The following SETD7 variants were observed in gnomAD, a reference collection of about 807,000 sequenced individuals.
SETD7 encodes histone-lysine N-methyltransferase SETD7.
A neutral mutation model predicts 41.8 loss-of-function variants in SETD7; 16 were observed. The ratio of observed to expected loss-of-function variants is 0.38; its 90% CI spans 0.26 to 0.58. The LOEUF (loss-of-function observed/expected upper bound fraction) is 0.58. Among genes scored for constraint, SETD7 ranks in the 20% least tolerant of loss-of-function variants. SETD7 has a pLI of 0.64. For synonymous variants in SETD7, 163 were observed against 169.7 expected (o/e 0.96, Z 0.31); for missense variants, 346 against 459.7 (o/e 0.75, Z 2.26).
At chr4:139,505,015 G>C (rs1726666800), downstream of SETD7, among the ~76,000 whole-genome samples, 1 of 152,190 alleles carries the variant, frequency 6.6e-6, no homozygotes, top group Non-Finnish European at 1.5e-5. Flanking sequence ...GTCTGTGCAG[G>C]TGGAAAAGCT....
chr4:139,517,133 T>G (rs1727046236), intron 7 of SETD7, among the ~76,000 whole-genome samples: 1 of 152,236 alleles, frequency 6.6e-6, no homozygotes, highest in Non-Finnish European at 1.5e-5. Flanking sequence ...CGCTGAGATG[T>G]CATGCCCTAG....
intron 7 of SETD7, among the ~76,000 whole-genome samples, chr4:139,516,187 C>T (rs947284349): frequency 5.3e-5 from 8 of 152,010 alleles, no homozygotes; most frequent in Admixed American, 2.0e-4. Flanking sequence ...CTTTCTAGGC[C>T]GGGGGCGGTG....
intron 4 of SETD7, among the ~76,000 whole-genome samples, chr4:139,528,567 G>A (rs1313871533): frequency 1.3e-5 from 2 of 152,176 alleles, no homozygotes; most frequent in Non-Finnish European, 2.9e-5. Flanking sequence ...TCTCACTGAT[G>A]TCTGGCTTGG....
intron 5 of SETD7, 67 bp from the exon 6 acceptor site, chr4:139,520,461 C>A: frequency 1.2e-6 from 1 of 861,048 alleles, no homozygotes; most frequent in South Asian, 1.9e-5. Flanking sequence ...CATCAACTGC[C>A]AAAATATCAT....
intron 1 of SETD7, among the ~76,000 whole-genome samples, chr4:139,554,290 G>A (rs1728196028): frequency 6.6e-6 from 1 of 152,164 alleles, no homozygotes; most frequent in Non-Finnish European, 1.5e-5. Context: ...AAACAATACT[G>A]CCATTTCTAA....
rs1359654750 is a variant in SETD7 at position 139,523,336 on chromosome 4, C to T, written c.644+18G>A. ...CCTCACATAAACAGTGCAATTAAAACCCCAAGGAGGAAATTACCTTTCTGA... is the reference window on the plus strand; with the variant it reads ...CCTCACATAAACAGTGCAATTAAAATCCCAAGGAGGAAATTACCTTTCTGA... On this transcript the variant is annotated intron_variant, in intron 5 of 7. Transcript: ENST00000274031. 3 of 1,584,068 alleles carry T rather than the reference C, an allele frequency of 1.9e-6. No homozygotes were observed. The highest frequency in any genetic ancestry group is 2.6e-6 in the Non-Finnish European group (3 of 1,152,976).
At chr4:139,522,640 G>T (rs1163124679) in intron 5 of SETD7, among the ~76,000 whole-genome samples, 1 of 151,776 alleles carries the variant, frequency 6.6e-6, no homozygotes, top group Admixed American at 6.6e-5. Flanking sequence ...GCTTTAAAGA[G>T]CATGAAATGT....
At chr4:139,537,011 T>C (rs1401996401) in intron 2 of SETD7, among the ~76,000 whole-genome samples, 1 of 152,158 alleles carries the variant, frequency 6.6e-6, no homozygotes, top group Non-Finnish European at 1.5e-5. Context: ...GTTTCACTCT[T>C]GTTGCCCAGG....
At position 139,547,021 on chromosome 4, in the gene SETD7, G is replaced by T. The variant is rs368092587; in HGVS notation, c.69C>A (p.His23Gln). ...AGGAGTAGGTGACTGTGCAGAACCC[G>T]TGCGGTAATCCGTCATCGTCCAGGT... Reference protein sequence around the residue: ...EGHLDDDGLPHGFCTVTYSST... With the variant: ...EGHLDDDGLPQGFCTVTYSST... Residue 23 changes from histidine (H) to glutamine (Q), a missense_variant, in exon 2 of 8, where the codon CAC (histidine) becomes CAA (glutamine). Physicochemically the swap from His to Gln is conservative, Grantham distance 24 (BLOSUM62 0). Transcript: ENST00000274031. The T allele has an allele frequency of 4.3e-6, 7 of 1,614,088 alleles. No homozygotes were observed. The highest frequency in any genetic ancestry group is 5.9e-6 in the Non-Finnish European group (7 of 1,180,006).
intron 1 of SETD7, among the ~76,000 whole-genome samples, chr4:139,548,358 T>G (rs1173204637): frequency 6.6e-6 from 1 of 152,152 alleles, no homozygotes; most frequent in Non-Finnish European, 1.5e-5. Flanking sequence ...CGGCCGGGCA[T>G]GGTGGCTCAC....
intron 7 of SETD7, among the ~76,000 whole-genome samples, chr4:139,517,132 G>T (rs1307379849): frequency 5.9e-5 from 9 of 152,198 alleles, no homozygotes; most frequent in Admixed American, 3.9e-4. Flanking sequence ...ACGCTGAGAT[G>T]TCATGCCCTA....
At chr4:139,500,134 T>C (rs1290008545) in intron 7 of SETD7, among the ~76,000 whole-genome samples, 1 of 152,228 alleles carries the variant, frequency 6.6e-6, no homozygotes, top group Non-Finnish European at 1.5e-5. Context: ...TTCAGCAAAT[T>C]TTTGAGAGCG....
chr4:139,514,765 T>G (rs1210262648), intron 7 of SETD7, among the ~76,000 whole-genome samples: 2 of 152,214 alleles, frequency 1.3e-5, no homozygotes, highest in Non-Finnish European at 2.9e-5. Context: ...CTTAGCCTCT[T>G]GTCTACAGGT....
chr4:139,518,908 C>A (rs1460410471), intron 6 of SETD7, among the ~76,000 whole-genome samples: 1 of 152,190 alleles, frequency 6.6e-6, no homozygotes, highest in African/African-American at 2.4e-5. Context: ...AGCAGCCCAG[C>A]CTTTTGAAGC....
At chr4:139,516,580 T>G (rs1262430991) in intron 7 of SETD7, among the ~76,000 whole-genome samples, 1 of 151,982 alleles carries the variant, frequency 6.6e-6, no homozygotes, top group African/African-American at 2.4e-5. Context: ...TTGTGGATAA[T>G]GTAAGCTCCA....
intron 6 of SETD7, among the ~76,000 whole-genome samples, chr4:139,520,015 A>G (rs1025960383): frequency 1.3e-5 from 2 of 152,202 alleles, no homozygotes; most frequent in South Asian, 2.1e-4. Flanking sequence ...CTGGATCTCA[A>G]TTTTTAAGAC....
intron 7 of SETD7, among the ~76,000 whole-genome samples, chr4:139,516,261 T>C (rs1177073096): frequency 7.2e-6 from 1 of 139,134 alleles, no homozygotes; most frequent in African/African-American, 2.7e-5. Context: ...AGGTCAGGAG[T>C]TCAAGACCAG....
downstream of SETD7, among the ~76,000 whole-genome samples, chr4:139,503,592 A>G (rs1429438536): frequency 5.9e-5 from 9 of 152,154 alleles, no homozygotes; most frequent in Admixed American, 4.6e-4. Context: ...CTAGATAAAT[A>G]TATCTTTGTA....
At chr4:139,517,857 C>T (rs759170261) in intron 7 of SETD7, 28 bp downstream of exon 7, 23 of 1,596,182 alleles carry the variant, frequency 1.4e-5, no homozygotes, top group East Asian at 4.5e-5. Context: ...GGCATAGATC[C>T]GCCCCAGCAG....
Sources: gnomAD v4.1 joint callset for allele counts (sites outside exome capture counted in the v4.1 genomes callset) on GRCh38, gnomAD v4.1.1 for gene constraint, MANE v1.5 for transcripts, NCBI Gene and HGNC (gene_info 2026-07-23, HGNC 2026-07-21) for gene names.